The following DISC1 variants were observed in gnomAD, a reference collection of about 807,000 sequenced individuals.
DISC1 encodes DISC1 scaffold protein.
Under a neutral mutation model 84.5 loss-of-function variants are expected in DISC1, and 57 were observed. That is an observed-to-expected ratio of 0.67 (90% CI 0.55 to 0.84). DISC1 has a LOEUF of 0.84. DISC1 is among the 40% of genes least tolerant of loss of function. DISC1 has a pLI of 0.00. For synonymous variants in DISC1, 411 were observed against 415.2 expected (o/e 0.99, Z 0.12); for missense variants, 1,000 against 1,057.8 (o/e 0.95, Z 0.76).
intron 8 of DISC1, 125 bp from the exon 9 acceptor site, chr1:231,818,204 A>T: frequency 1.0e-6 from 1 of 990,086 alleles, no homozygotes; most frequent in African/African-American, 1.6e-5. Flanking sequence ...AGGAAATTGT[A>T]CATAATCTCA....
Position 231,913,224 on chromosome 1 carries a change from G to A in DISC1, c.1982-45604G>A, listed in dbSNP as rs571931419. ...GCTTTGTCCCTCTGCCAGGACAGTA[G>A]CTGTAATCCCATCTTTGCCATCTAG... On this transcript the variant is annotated intron_variant, in intron 9 of 12. Transcript: ENST00000439617. Among the ~76,000 whole-genome samples the A allele has an allele frequency of 4.6e-5, 7 of 152,312 alleles. No individual in the cohort carries two copies. The South Asian group carries it at 1.4e-3, about 32-fold the overall frequency.
chr1:231,875,078 C>T (rs1440741762), intron 9 of DISC1, among the ~76,000 whole-genome samples: 14 of 152,186 alleles, frequency 9.2e-5, no homozygotes, highest in Admixed American at 9.2e-4. Context: ...CAACCTTATG[C>T]TGTCCTCTCA....
chr1:231,813,041 G>T (rs115040622), intron 8 of DISC1, among the ~76,000 whole-genome samples: 1 of 152,216 alleles, frequency 6.6e-6, no homozygotes, highest in Non-Finnish European at 1.5e-5. Flanking sequence ...CAGGATCAAA[G>T]AAAGGGCCTA....
chr1:231,777,800 A>T (rs1198905494), intron 6 of DISC1, among the ~76,000 whole-genome samples: 1 of 152,252 alleles, frequency 6.6e-6, no homozygotes, highest in Non-Finnish European at 1.5e-5. Context: ...ACAAACTGTC[A>T]TACTTGCTTA....
At chr1:231,984,182 T>C (rs1488244943) in intron 10 of DISC1, among the ~76,000 whole-genome samples, 1 of 152,212 alleles carries the variant, frequency 6.6e-6, no homozygotes, top group African/African-American at 2.4e-5. Flanking sequence ...CCTTCTGTAA[T>C]TAAATCAGCC....
intron 1 of DISC1, among the ~76,000 whole-genome samples, chr1:231,687,836 A>G (rs1330596553): frequency 6.6e-6 from 1 of 152,190 alleles, no homozygotes; most frequent in Non-Finnish European, 1.5e-5. Flanking sequence ...GGAAGGTGAA[A>G]CAGTTCTTCA....
At chr1:231,817,364 G>A (rs1484193809) in intron 8 of DISC1, among the ~76,000 whole-genome samples, 1 of 152,212 alleles carries the variant, frequency 6.6e-6, no homozygotes, top group African/African-American at 2.4e-5. Flanking sequence ...GATTACAGGT[G>A]TGAGCCACCA....
chr1:231,908,032 T>C (rs1018012553), intron 9 of DISC1, among the ~76,000 whole-genome samples: 16 of 152,222 alleles, frequency 1.1e-4, no homozygotes, highest in Admixed American at 1.0e-3. Flanking sequence ...GTTTGACTTT[T>C]TCTTGTAAAT....
At chr1:231,844,524 CATCA>C (rs1451848214) in intron 9 of DISC1, among the ~76,000 whole-genome samples, 1 of 152,116 alleles carries the variant, frequency 6.6e-6, no homozygotes. Flanking sequence ...AGACATGAGA[CATCA>C]ATCAAATACA....
chr1:231,770,146 T>A (rs2076442330), intron 5 of DISC1, among the ~76,000 whole-genome samples: 1 of 152,178 alleles, frequency 6.6e-6, no homozygotes, highest in Non-Finnish European at 1.5e-5. Context: ...CAGAATCATA[T>A]GGGCAGTGAG....
intron 12 of DISC1, among the ~76,000 whole-genome samples, chr1:232,035,941 T>A (rs1670478722): frequency 6.6e-6 from 1 of 152,178 alleles, no homozygotes; most frequent in Non-Finnish European, 1.5e-5. Flanking sequence ...TTTCTCCATG[T>A]GAGAAATAAC....
chr1:231,749,758 C>T (rs1009239673), intron 3 of DISC1, among the ~76,000 whole-genome samples, 168 bp from the exon 4 acceptor site: 1 of 152,118 alleles, frequency 6.6e-6, no homozygotes. Context: ...AAAGAAGATT[C>T]TTAGAAGTAC....
At chr1:231,671,018 G>T (rs1050130857) in intron 1 of DISC1, among the ~76,000 whole-genome samples, 1 of 152,144 alleles carries the variant, frequency 6.6e-6, no homozygotes, top group African/African-American at 2.4e-5. Context: ...GTTACTTGGC[G>T]TTGAATATTG....
At chr1:231,988,004 G>A (rs1037818716) in intron 10 of DISC1, among the ~76,000 whole-genome samples, 2 of 152,086 alleles carry the variant, frequency 1.3e-5, no homozygotes, top group Non-Finnish European at 2.9e-5. Flanking sequence ...TGACCAATAT[G>A]GTGAAACCCC....
chr1:231,868,693 TA>T (rs1304452321), intron 9 of DISC1, among the ~76,000 whole-genome samples: 21 of 656 alleles, frequency 0.032, no homozygotes, highest in East Asian at 0.12. Flanking sequence ...CCCCATCTCT[TA>T]TATATATATA....
chr1:231,765,984 G>C (rs888861123), intron 4 of DISC1, among the ~76,000 whole-genome samples: 1 of 151,888 alleles, frequency 6.6e-6, no homozygotes, highest in African/African-American at 2.4e-5. Context: ...AAATGATCTA[G>C]TACGCACATT....
At chr1:231,662,878 T>C (rs999094691) in intron 1 of DISC1, among the ~76,000 whole-genome samples, 2 of 151,928 alleles carry the variant, frequency 1.3e-5, no homozygotes, top group Admixed American at 1.3e-4. Context: ...CAAAGAAAAC[T>C]GGTCATGGAG....
rs932449970 is a variant in DISC1 at position 231,723,913 on chromosome 1, A to C, written c.1117+21889A>C. ...TTGTGCCCAGTGCCGATGTCTGGAC[A>C]ATTAATTCCCTAGGTCAGTGGCTTT... On this transcript the variant is annotated intron_variant, in intron 3 of 12. Transcript: ENST00000439617. The C allele has an allele frequency of 4.1e-6, 4 of 985,332 alleles. No individual in the cohort carries two copies. In the African/African-American group the frequency reaches 7.0e-5, roughly 17 times the overall value. The allele number at this position is 985,332 out of a possible 1,614,324, so 61.0% of individuals were successfully genotyped here.
chr1:231,651,088 G>C (rs989633246), intron 1 of DISC1, among the ~76,000 whole-genome samples: 4 of 152,158 alleles, frequency 2.6e-5, no homozygotes, highest in Non-Finnish European at 4.4e-5. Flanking sequence ...GTCATTCTCT[G>C]TCCAGCTTTG....
Sources: gnomAD v4.1 joint callset for allele counts (sites outside exome capture counted in the v4.1 genomes callset) on GRCh38, gnomAD v4.1.1 for gene constraint, MANE v1.5 for transcripts, NCBI Gene and HGNC (gene_info 2026-07-23, HGNC 2026-07-21) for gene names.